ANGPT2: variants seen among roughly 807,000 people sequenced by gnomAD.
The protein encoded by ANGPT2 is angiopoietin 2.
Under a neutral mutation model 62.9 loss-of-function variants are expected in ANGPT2, and 28 were observed. The ratio of observed to expected loss-of-function variants is 0.44; its 90% confidence interval spans 0.33 to 0.61. The LOEUF (loss-of-function observed/expected upper bound fraction) is 0.61, where lower values mean the gene tolerates loss of function less well. Among genes scored for constraint, ANGPT2 ranks in the 20% least tolerant of loss-of-function variants. The probability of loss-of-function intolerance (pLI) is 0.03; values close to 1 mark genes in which losing one functional copy is unlikely to be tolerated. For synonymous variants in ANGPT2, 284 were observed against 207.8 expected, an observed-to-expected ratio of 1.37 and a Z score of -3.15; for missense variants, 727 against 594.9, an observed-to-expected ratio of 1.22 and a Z score of -2.31.
At chr8:6,529,821 C>G (rs1055059331) in intron 2 of ANGPT2, among the ~76,000 whole-genome samples, 1 of 151,490 alleles carries the variant, frequency 6.6e-6, no homozygotes, top group Non-Finnish European at 1.5e-5. Flanking sequence ...TGCTTACTTT[C>G]CATCTGTTTT....
intron 1 of ANGPT2, among the ~76,000 whole-genome samples, chr8:6,553,414 T>G (rs1388323196): frequency 5.9e-5 from 9 of 152,190 alleles, no homozygotes; most frequent in African/African-American, 2.2e-4. Flanking sequence ...TAGTTAAAAG[T>G]ACACTAGCAC....
intron 1 of ANGPT2, among the ~76,000 whole-genome samples, chr8:6,559,391 G>C (rs540480097): frequency 6.6e-6 from 1 of 152,090 alleles, no homozygotes; most frequent in African/African-American, 2.4e-5. Flanking sequence ...GCATTCATTC[G>C]TGAGTAGTAG....
At position 6,501,917 on chromosome 8, in the gene ANGPT2, C is replaced by T. The variant is rs757621488; in HGVS notation, c.*1184G>A. 2 of 141,362 alleles carry T rather than the reference C, an allele frequency of 1.4e-5. No individual in the cohort carries two copies. The highest frequency in any genetic ancestry group is 5.1e-5 in the African/African-American group (2 of 39,536). The allele number at this position is 141,362 out of a possible 1,614,324, so 8.8% of individuals were successfully genotyped here. On this transcript the variant is annotated 3_prime_UTR_variant, in exon 9 of 9. Coordinates refer to ENST00000629816, the MANE Select transcript of ANGPT2 (RefSeq NM_001118887.2). ...TTATGAACATCAGATTTTGTTTTTGCACTTTGAAACCCTTTTTTTTTTTTC... is the reference window on the plus strand; with the variant it reads ...TTATGAACATCAGATTTTGTTTTTGTACTTTGAAACCCTTTTTTTTTTTTC...
chr8:6,551,979 G>T (rs146759401), intron 1 of ANGPT2, among the ~76,000 whole-genome samples: 4 of 152,130 alleles, frequency 2.6e-5, no homozygotes, highest in Admixed American at 6.5e-5. Flanking sequence ...ACTATCTTCA[G>T]ACTAATGTTT....
At chr8:6,535,753 A>G (rs1461945048) in intron 1 of ANGPT2, among the ~76,000 whole-genome samples, 1 of 152,220 alleles carries the variant, frequency 6.6e-6, no homozygotes, top group Non-Finnish European at 1.5e-5. Flanking sequence ...GTGTTGATTT[A>G]AAAAGATATT....
chr8:6,552,412 T>TA (rs1290152662), intron 1 of ANGPT2, among the ~76,000 whole-genome samples: 1 of 152,190 alleles, frequency 6.6e-6, no homozygotes, highest in Non-Finnish European at 1.5e-5. Flanking sequence ...CACACACACT[T>TA]ACGATGGTCC....
chr8:6,552,232 A>G (rs1427687032), intron 1 of ANGPT2, among the ~76,000 whole-genome samples: 6 of 152,258 alleles, frequency 3.9e-5, no homozygotes, highest in African/African-American at 1.4e-4. Context: ...TAGAAACAAC[A>G]TGCAGAAGCA....
intron 8 of ANGPT2, chr8:6,508,474 GTAAA>G (rs1019259683): frequency 4.9e-4 from 91 of 185,916 alleles, no homozygotes; most frequent in Non-Finnish European, 8.3e-4. Context: ...GACTGTGTCT[GTAAA>G]TAAATAAATA....
rs532748236 is a variant in ANGPT2, at chr8:6,547,061, G to C, written c.289-14574C>G. 2.6e-5 allele frequency among the ~76,000 whole-genome samples: 4 copies of C among 152,140 alleles called. No individual in the cohort carries two copies. The East Asian group carries it at 7.8e-4, about 30-fold the overall frequency. ...CATGCACGTGTTCCGTGTGTACCGT[G>C]GTTGCCTTCGGGCTAATGCGTTTTT... On this transcript the variant is annotated intron_variant, in intron 1 of 8. Coordinates refer to ENST00000629816, the MANE Select transcript of ANGPT2 (RefSeq NM_001118887.2).
intron 3 of ANGPT2, among the ~76,000 whole-genome samples, chr8:6,524,208 G>T (rs563060139): frequency 8.8e-4 from 134 of 152,136 alleles, no homozygotes; most frequent in African/African-American, 2.9e-3. Context: ...CCTTTTTTGA[G>T]TCCCGTATAA....
intron 3 of ANGPT2, among the ~76,000 whole-genome samples, chr8:6,522,810 A>G (rs534761730): frequency 6.6e-6 from 1 of 152,104 alleles, no homozygotes; most frequent in South Asian, 2.1e-4. Context: ...TGTAGGAAGA[A>G]TGAATCACAT....
chr8:6,537,545 C>CATATATAT (rs35477464), intron 1 of ANGPT2, among the ~76,000 whole-genome samples: 1 of 148,972 alleles, frequency 6.7e-6, no homozygotes. Context: ...TTTAATGCAA[C>CATATATAT]ATATATATAT....
chr8:6,510,345 C>G (rs1468011847), intron 7 of ANGPT2, among the ~76,000 whole-genome samples: 1 of 152,114 alleles, frequency 6.6e-6, no homozygotes, highest in Non-Finnish European at 1.5e-5. Flanking sequence ...GCCTACAAAG[C>G]AAATCCTGCA....
intron 1 of ANGPT2, among the ~76,000 whole-genome samples, chr8:6,545,914 T>TA (rs1201648212): frequency 7.9e-5 from 12 of 152,336 alleles, no homozygotes; most frequent in Middle Eastern, 6.8e-3. Context: ...AGACATAGTA[T>TA]AAAAAACTGA....
At chr8:6,509,207 T>A (rs1814427279) in intron 7 of ANGPT2, 145 bp from the exon 8 acceptor site, 1 of 1,081,466 alleles carries the variant, frequency 9.2e-7, no homozygotes, top group Non-Finnish European at 1.3e-6. Context: ...ACAAAATATT[T>A]TGCACTGGTA....
chr8:6,508,416 G>A (rs188551507), intron 8 of ANGPT2: 1 of 160,652 alleles, frequency 6.2e-6, no homozygotes, highest in Non-Finnish European at 1.3e-5. Flanking sequence ...CTCCCTTCTG[G>A]ACAACAAAGT....
chr8:6,502,121 A>C lies in ANGPT2; in HGVS notation c.*980T>G, dbSNP rs941317363. 6.6e-6 allele frequency: 1 copy of C among 152,192 alleles called. No individual in the cohort carries two copies. Among genetic ancestry groups the C allele is most frequent in the African/African-American group, 2.4e-5 (1 of 41,448 alleles). 9.4% of individuals were successfully genotyped at this position (152,192 alleles called of 1,614,324 possible). ...AATATATCTTACTAGGAAAGAAAAC[A>C]GACCTCTGTTTTAGAATAGTGAGAA... is the stretch of plus-strand genomic sequence containing the variant. On this transcript the variant is annotated 3_prime_UTR_variant, in exon 9 of 9. Coordinates refer to ENST00000629816, the MANE Select transcript of ANGPT2 (RefSeq NM_001118887.2).
At chr8:6,554,423 C>G (rs1824227525) in intron 1 of ANGPT2, among the ~76,000 whole-genome samples, 2 of 152,096 alleles carry the variant, frequency 1.3e-5, no homozygotes, top group African/African-American at 4.8e-5. Context: ...ATGATTGCTT[C>G]TCTATGAGAC....
intron 1 of ANGPT2, among the ~76,000 whole-genome samples, chr8:6,562,083 G>C (rs1163071159): frequency 6.6e-6 from 1 of 152,178 alleles, no homozygotes; most frequent in Admixed American, 6.5e-5. Context: ...CTGAGATTCT[G>C]AGAAACATAA....
Sources: allele counts gnomAD v4.1 joint callset (sites outside exome capture counted in the v4.1 genomes callset), GRCh38; gene constraint gnomAD v4.1.1; transcripts MANE v1.5; gene names NCBI Gene and HGNC (gene_info 2026-07-23, HGNC 2026-07-21).